EXOC5: variants seen among roughly 807,000 people sequenced by gnomAD.
EXOC5 encodes SEC10-like 1.
EXOC5 carries 17 observed loss-of-function variants against 90.8 expected under a neutral mutation model. The observed-to-expected ratio is 0.19, with a 90% CI of 0.13 to 0.28. EXOC5 has a LOEUF of 0.28. Among genes scored for constraint, EXOC5 ranks in the 10% least tolerant of loss-of-function variants. EXOC5 has a pLI of 1.00. For synonymous variants in EXOC5, 260 were observed against 270.0 expected (o/e 0.96, Z 0.36); for missense variants, 569 against 830.6 (o/e 0.69, Z 3.87).
chr14:57,268,628 G>A lies in EXOC5; in HGVS notation c.21C>T (p.Leu7=), dbSNP rs1287249882. The change falls in exon 1 of 18, where the codon CTC becomes CTT. Residue 7 remains leucine (L), a synonymous_variant. Transcript: ENST00000621441. ...TAGAGCCGCCGGGGCCCACCTCGAA[G>A]AGCTCGGCCGTGGTAGCCATCCCGG... MATTAE[L]FEEPFVADEY... 1.3e-6 allele frequency: 2 copies of A among 1,591,192 alleles called. No individual in the cohort carries two copies. The highest frequency in any genetic ancestry group is 1.1e-5 in the South Asian group (1 of 88,564).
chr14:57,260,239 T>C (rs542904368), intron 1 of EXOC5, among the ~76,000 whole-genome samples: 1 of 152,122 alleles, frequency 6.6e-6, no homozygotes, highest in African/African-American at 2.4e-5. Flanking sequence ...ACAAAATATT[T>C]TGTCTCAGGC....
chr14:57,218,205 T>G lies in EXOC5; in HGVS notation c.1527-137A>C, dbSNP rs542970582. The G allele has an allele frequency of 4.8e-5, 23 of 481,290 alleles. 1 individual carries two copies. The highest frequency in any genetic ancestry group is 2.2e-4 in the South Asian group (5 of 22,472). The allele number at this position is 481,290 out of a possible 1,614,324, so 29.8% of individuals were successfully genotyped here. On this transcript the variant is annotated intron_variant, in intron 14 of 17. Coordinates refer to ENST00000621441, the MANE Select transcript of EXOC5 (RefSeq NM_006544.4). Reference sequence around the variant, plus strand: ...TATACACATTAATATTGTTAACAAATCCAAGAAGCATATAAGAAGCAAAGT... The same window carrying G: ...TATACACATTAATATTGTTAACAAAGCCAAGAAGCATATAAGAAGCAAAGT...
In EXOC5 at chr14:57,247,732, G is replaced by A. The variant is rs1249222916; in HGVS notation, c.28-20C>T. 2.2e-6 allele frequency: 3 copies of A among 1,350,396 alleles called. No individual in the cohort carries two copies. Among genetic ancestry groups the A allele is most frequent in the African/African-American group, 1.5e-5 (1 of 67,358 alleles). The allele number at this position is 1,350,396 out of a possible 1,614,324, so 83.7% of individuals were successfully genotyped here. A position where few individuals can be genotyped will look rare whatever the true frequency, so the allele number is the denominator to read the frequency against. ...AGGCTCCTAGTTTACAAAAAAATAC[G>A]CTTTAACAAAGTTTCATATACAAGT... On this transcript the variant is annotated intron_variant, in intron 1 of 17. Coordinates refer to ENST00000621441, the MANE Select transcript of EXOC5 (RefSeq NM_006544.4).
At chr14:57,229,681 A>G (rs1867211356) in intron 12 of EXOC5, 53 bp downstream of exon 12, 1 of 1,315,298 alleles carries the variant, frequency 7.6e-7, no homozygotes, top group Non-Finnish European at 1.0e-6. Context: ...TCAATTCCCC[A>G]CAGATATCAA....
Position 57,245,571 on chromosome 14 carries a change from C to T in EXOC5, c.270+1140G>A, listed in dbSNP as rs550760849. Among the ~76,000 whole-genome samples the T allele has an allele frequency of 2.6e-5, 4 of 152,212 alleles. 1 individual carries two copies. The highest frequency in any genetic ancestry group is 4.8e-5 in the African/African-American group (2 of 41,522). On this transcript the variant is annotated intron_variant, in intron 3 of 17. Transcript: ENST00000621441. ...CATTAAAAGTATTTAGAAACTGTCA[C>T]CTTAACTCTTAAAAATGCATTCCTT...
At chr14:57,241,761 C>G (rs1046291760) in intron 4 of EXOC5, among the ~76,000 whole-genome samples, 3 of 151,968 alleles carry the variant, frequency 2.0e-5, no homozygotes, top group Non-Finnish European at 4.4e-5. Flanking sequence ...GAGAGACTAC[C>G]CTTGCTAATA....
chr14:57,222,760 C>CATATATATAT (rs1208085180), intron 12 of EXOC5, among the ~76,000 whole-genome samples: 7 of 147,866 alleles, frequency 4.7e-5, no homozygotes, highest in Admixed American at 2.0e-4. Context: ...CACACACACA[C>CATATATATAT]ACATATATAT....
intron 17 of EXOC5, among the ~76,000 whole-genome samples, chr14:57,209,119 A>C (rs1415441362): frequency 6.6e-6 from 1 of 152,186 alleles, no homozygotes; most frequent in African/African-American, 2.4e-5. Flanking sequence ...GGGGGACATA[A>C]ATGAAGACAA....
chr14:57,217,661 C>A (rs372948522), intron 15 of EXOC5, among the ~76,000 whole-genome samples: 1 of 152,106 alleles, frequency 6.6e-6, no homozygotes, highest in African/African-American at 2.4e-5. Context: ...GCAATTAGGA[C>A]AATCAATAAT....
intron 12 of EXOC5, among the ~76,000 whole-genome samples, chr14:57,225,626 G>C (rs1445645457): frequency 6.6e-6 from 1 of 151,034 alleles, no homozygotes; most frequent in African/African-American, 2.4e-5. Context: ...TAATAAGTGA[G>C]TTTAGTTAGG....
intron 1 of EXOC5, among the ~76,000 whole-genome samples, chr14:57,257,995 T>C (rs1445629378): frequency 1.3e-5 from 2 of 152,232 alleles, no homozygotes; most frequent in Non-Finnish European, 2.9e-5. Flanking sequence ...AATCTAGAAC[T>C]ATGCACTAAG....
At chr14:57,209,525 C>T in intron 17 of EXOC5, 42 bp downstream of exon 17, 1 of 1,098,530 alleles carries the variant, frequency 9.1e-7, no homozygotes, top group Non-Finnish European at 1.4e-6. Flanking sequence ...GACTTATGCT[C>T]CTGGGCCTAT....
chr14:57,229,519 A>T (rs980723252), intron 12 of EXOC5, among the ~76,000 whole-genome samples: 36 of 152,188 alleles, frequency 2.4e-4, no homozygotes, highest in African/African-American at 8.4e-4. Context: ...ACGTTGCACT[A>T]GGTAATGTAA....
At position 57,207,015 on chromosome 14, in the gene EXOC5, A is replaced by C. The variant is rs1169042190; in HGVS notation, c.*1594T>G. 1 of 152,434 alleles carries C rather than the reference A, an allele frequency of 6.6e-6. No homozygotes were observed. Among genetic ancestry groups the C allele is most frequent in the Non-Finnish European group, 1.5e-5 (1 of 67,908 alleles). The allele number at this position is 152,434 out of a possible 1,614,324, so 9.4% of individuals were successfully genotyped here. A position where few individuals can be genotyped will look rare whatever the true frequency, so the allele number is the denominator to read the frequency against. On this transcript the variant is annotated 3_prime_UTR_variant, in exon 18 of 18. Coordinates refer to ENST00000621441, the MANE Select transcript of EXOC5 (RefSeq NM_006544.4). ...GCAAATGACTTTCTCTAGTATCCAA[A>C]ACCTGCGCTGGCTCTCCCTTGGCTA... is the stretch of plus-strand genomic sequence containing the variant.
At chr14:57,210,211 A>G (rs1046247562) in intron 15 of EXOC5, 150 bp from the exon 16 acceptor site, 3 of 527,754 alleles carry the variant, frequency 5.7e-6, no homozygotes, top group Non-Finnish European at 1.0e-5. Flanking sequence ...GATATTAGAA[A>G]AAGTCAGCTC....
chr14:57,256,689 T>C (rs768396465), intron 1 of EXOC5, among the ~76,000 whole-genome samples: 19 of 152,204 alleles, frequency 1.2e-4, no homozygotes, highest in Non-Finnish European at 2.4e-4. Context: ...AAAGCCTTCA[T>C]GGGCAGATTT....
At chr14:57,223,201 G>T (rs897291049) in intron 12 of EXOC5, among the ~76,000 whole-genome samples, 2 of 152,064 alleles carry the variant, frequency 1.3e-5, no homozygotes, top group African/African-American at 4.8e-5. Context: ...TTTTGGCGCT[G>T]CTGTTGCTGT....
chr14:57,220,114 TGAGAAAA>T (rs1883083102), intron 13 of EXOC5, among the ~76,000 whole-genome samples: 1 of 152,056 alleles, frequency 6.6e-6, no homozygotes, highest in Non-Finnish European at 1.5e-5. Flanking sequence ...GCATAGCTAA[TGAGAAAA>T]TACAGGCTTG....
chr14:57,231,784 C>G (rs958420171), intron 10 of EXOC5, 69 bp from the exon 11 acceptor site: 26 of 1,030,474 alleles, frequency 2.5e-5, no homozygotes, highest in Non-Finnish European at 3.7e-5. Context: ...TTAAGGAATA[C>G]AAATTTTTAC....
Sources: allele counts gnomAD v4.1 joint callset (sites outside exome capture counted in the v4.1 genomes callset), GRCh38; gene constraint gnomAD v4.1.1; transcripts MANE v1.5; gene names NCBI Gene and HGNC (gene_info 2026-07-23, HGNC 2026-07-21).